CDH6: variants seen among roughly 807,000 people sequenced by gnomAD.
CDH6 encodes the protein cadherin-6.
In CDH6, 31 loss-of-function variants were observed where a neutral mutation model predicts 78.0. The observed-to-expected ratio is 0.40, with a 90% CI of 0.30 to 0.54. CDH6 has a LOEUF of 0.54. CDH6 is among the 20% of genes least tolerant of loss of function. The probability of loss-of-function intolerance (pLI) is 0.56; values close to 1 mark genes in which losing one functional copy is unlikely to be tolerated. For synonymous variants in CDH6, 376 were observed against 368.8 expected (o/e 1.02, Z -0.23); for missense variants, 724 against 975.9 (o/e 0.74, Z 3.44).
intron 1 of CDH6, among the ~76,000 whole-genome samples, chr5:31,196,482 G>A (rs986921747): frequency 3.3e-5 from 5 of 152,252 alleles, no homozygotes; most frequent in African/African-American, 7.2e-5. Context: ...TTGCAGTCAC[G>A]AATGCCAACA....
chr5:31,302,024 A>G, intron 5 of CDH6, 87 bp from the exon 6 acceptor site: 1 of 818,942 alleles, frequency 1.2e-6, no homozygotes, highest in Non-Finnish European at 1.9e-6. Context: ...AATGTCTTAA[A>G]GAACTGTTAG....
At chr5:31,292,822 CATATAT>C (rs1160180405) in intron 2 of CDH6, among the ~76,000 whole-genome samples, 55 of 49,914 alleles carry the variant, frequency 1.1e-3, no homozygotes, top group African/African-American at 4.9e-3. Flanking sequence ...TATATGTGTG[CATATAT>C]ATATATATAT....
At chr5:31,287,913 C>T (rs1743053883) in intron 2 of CDH6, among the ~76,000 whole-genome samples, 1 of 152,224 alleles carries the variant, frequency 6.6e-6, no homozygotes, top group African/African-American at 2.4e-5. Context: ...ACTTCAAAAA[C>T]ATAATGGTTG....
intron 8 of CDH6, 130 bp from the exon 9 acceptor site, chr5:31,316,078 A>C: frequency 1.1e-6 from 1 of 933,820 alleles, no homozygotes; most frequent in South Asian, 2.1e-5. Context: ...ACTGGTACTT[A>C]ATGCCCAGTA....
intron 2 of CDH6, 125 bp downstream of exon 2, chr5:31,267,826 A>G: frequency 1.4e-6 from 1 of 721,868 alleles, no homozygotes. Flanking sequence ...AACTGGTAAG[A>G]CTTTTTTTTT....
intron 1 of CDH6, among the ~76,000 whole-genome samples, chr5:31,228,803 C>A (rs948158333): frequency 6.6e-6 from 1 of 152,228 alleles, no homozygotes; most frequent in Non-Finnish European, 1.5e-5. Flanking sequence ...CTGCCACTCA[C>A]CTCCTGCTGT....
chr5:31,261,361 G>T (rs2149930210), intron 1 of CDH6, among the ~76,000 whole-genome samples: 1 of 152,242 alleles, frequency 6.6e-6, no homozygotes, highest in African/African-American at 2.4e-5. Context: ...GTACCAAAAA[G>T]TAATAAGGTA....
At chr5:31,296,814 A>G (rs1334319632) in intron 3 of CDH6, among the ~76,000 whole-genome samples, 1 of 152,130 alleles carries the variant, frequency 6.6e-6, no homozygotes, top group Non-Finnish European at 1.5e-5. Context: ...TGGCATTTCT[A>G]AGATCACAAA....
intron 1 of CDH6, among the ~76,000 whole-genome samples, chr5:31,223,796 T>C (rs1031992553): frequency 6.6e-6 from 1 of 152,200 alleles, no homozygotes; most frequent in Non-Finnish European, 1.5e-5. Context: ...TTTGGAAGGC[T>C]AAAGTTTGAA....
chr5:31,267,253 C>T (rs1034741023), intron 1 of CDH6, 93 bp from the exon 2 acceptor site: 3 of 499,146 alleles, frequency 6.0e-6, no homozygotes, highest in South Asian at 7.8e-5. Flanking sequence ...TTTTGCTATT[C>T]AAATTTCTGT....
intron 2 of CDH6, among the ~76,000 whole-genome samples, chr5:31,293,473 T>C (rs1254154033): frequency 6.6e-6 from 1 of 152,112 alleles, no homozygotes; most frequent in Non-Finnish European, 1.5e-5. Context: ...AGATAATAAA[T>C]GTAAGGTAGA....
chr5:31,309,170 G>A (rs1252525374), intron 7 of CDH6, among the ~76,000 whole-genome samples: 4 of 152,052 alleles, frequency 2.6e-5, no homozygotes, highest in Non-Finnish European at 5.9e-5. Flanking sequence ...CATTGAAACT[G>A]AAACTCCAAT....
intron 6 of CDH6, among the ~76,000 whole-genome samples, chr5:31,302,901 A>AG (rs1737841725): frequency 1.5e-5 from 2 of 136,308 alleles, no homozygotes; most frequent in Admixed American, 1.5e-4. Context: ...GAAAGAAAGA[A>AG]AAAAAGAAAG....
intron 1 of CDH6, chr5:31,249,836 C>T (rs113600443): frequency 5.7e-4 from 87 of 152,436 alleles, no homozygotes; most frequent in African/African-American, 1.9e-3. Flanking sequence ...CCAGGTGACC[C>T]TTCCCACTAG....
chr5:31,284,729 G>T (rs1742968825), intron 2 of CDH6, among the ~76,000 whole-genome samples: 1 of 152,214 alleles, frequency 6.6e-6, no homozygotes, highest in Admixed American at 6.5e-5. Context: ...GGAGAGCAAA[G>T]GTCATGATCT....
At chr5:31,321,194 T>TCAG (rs1192890109) in intron 11 of CDH6, among the ~76,000 whole-genome samples, 1 of 110,314 alleles carries the variant, frequency 9.1e-6, no homozygotes, top group African/African-American at 3.6e-5. Flanking sequence ...GAACTGTACC[T>TCAG]GGTACAGGGT....
At chr5:31,196,562 A>G (rs973693098) in intron 1 of CDH6, among the ~76,000 whole-genome samples, 15 of 152,180 alleles carry the variant, frequency 9.9e-5, no homozygotes, top group African/African-American at 3.1e-4. Context: ...GGGTCACTCC[A>G]TGCATTTCTC....
At chr5:31,260,540 C>T (rs952616570) in intron 1 of CDH6, among the ~76,000 whole-genome samples, 1 of 152,160 alleles carries the variant, frequency 6.6e-6, no homozygotes, top group Non-Finnish European at 1.5e-5. Flanking sequence ...ATTTTATGTG[C>T]TGTAACACAT....
chr5:31,195,319 C>T (rs1212585422), intron 1 of CDH6, among the ~76,000 whole-genome samples: 1 of 152,074 alleles, frequency 6.6e-6, no homozygotes, highest in African/African-American at 2.4e-5. Flanking sequence ...GCAAACTCCT[C>T]CCTGTGTTGG....
Sources: allele counts gnomAD v4.1 joint callset (sites outside exome capture counted in the v4.1 genomes callset), GRCh38; gene constraint gnomAD v4.1.1; transcripts MANE v1.5; gene names NCBI Gene and HGNC (gene_info 2026-07-23, HGNC 2026-07-21).